GABRD: variants seen among roughly 807,000 people sequenced by gnomAD.
GABRD encodes gamma-aminobutyric acid receptor subunit delta.
In GABRD, 25 loss-of-function variants were observed where a neutral mutation model predicts 47.3. The observed-to-expected ratio is 0.53, with a 90% CI of 0.39 to 0.74. The LOEUF is 0.74. Ranked by LOEUF, GABRD falls within the 30% of genes least tolerant of loss-of-function variation. GABRD has a pLI of 0.00. For missense variants in GABRD, 497 were observed against 643.4 expected, an observed-to-expected ratio of 0.77 and a Z score of 2.46; for synonymous variants, 314 against 278.8, an observed-to-expected ratio of 1.13 and a Z score of -1.26.
intron 1 of GABRD, among the ~76,000 whole-genome samples, chr1:2,021,499 A>G (rs1471028533): frequency 2.0e-5 from 3 of 152,130 alleles, no homozygotes; most frequent in South Asian, 2.1e-4. Flanking sequence ...AGTGGGACCC[A>G]TTCTGGCCAT....
At chr1:2,021,292 G>T (rs553640291) in intron 1 of GABRD, among the ~76,000 whole-genome samples, 1 of 152,194 alleles carries the variant, frequency 6.6e-6, no homozygotes, top group South Asian at 2.1e-4. Flanking sequence ...TGCTCTTGGC[G>T]TCTAGGGGCA....
Position 2,029,205 on chromosome 1 carries a change from C to T in GABRD, c.786C>T (p.Val262=), listed in dbSNP as rs1217829506. 4.5e-6 allele frequency: 7 copies of T among 1,570,506 alleles called. No individual in the cohort carries two copies. The highest frequency in any genetic ancestry group is 1.2e-5 in the South Asian group (1 of 85,708). ...CCTACATGCCCTCCGTCCTGCTGGT[C>T]GCCATGTCCTGGGTCTCCTTCTGGA... ...IQSYMPSVLL[V]AMSWVSFWIS... is the part of the protein sequence containing the mutation. Residue 262 remains valine, a synonymous_variant, in exon 7 of 9, where the codon GTC becomes GTT. Coordinates refer to ENST00000378585, the MANE Select transcript of GABRD (RefSeq NM_000815.5).
chr1:2,027,083 G>T (rs752793131), intron 4 of GABRD: 1 of 221,398 alleles, frequency 4.5e-6, no homozygotes, highest in Non-Finnish European at 9.0e-6. Flanking sequence ...CCCACCTCAA[G>T]CCCCGGGGGG....
chr1:2,028,541 T>C lies in GABRD; in HGVS notation c.691+249T>C, dbSNP rs113621775. On this transcript the variant is annotated intron_variant, in intron 6 of 8. Transcript: ENST00000378585. The surrounding 1 kb of genome is among the most constrained non-coding windows in gnomAD (Gnocchi z 6.4). ...TTCCAGGCCTGCCATTGTGTGGGCG[T>C]GGGTCAGGCCTTCCCATCTCACTCC... Among the ~76,000 whole-genome samples, 2 of 152,220 alleles carry C rather than the reference T, an allele frequency of 1.3e-5. No homozygotes were observed. Among genetic ancestry groups the C allele is most frequent in the African/African-American group, 4.8e-5 (2 of 41,530 alleles).
chr1:2,027,807 G>A lies in GABRD; in HGVS notation c.553+148G>A, dbSNP rs1658970152. 3.9e-6 allele frequency: 3 copies of A among 761,512 alleles called. No individual in the cohort carries two copies. In the South Asian group the frequency reaches 4.9e-5, roughly 12 times the overall value. 47.2% of individuals were successfully genotyped at this position (761,512 alleles called of 1,614,324 possible). ...TGCATGCAAGAAGCCTGGGCAGGAG[G>A]AGAAGGGGCCAGAAAGCCTGGAGCA... On this transcript the variant is annotated intron_variant, in intron 5 of 8. Transcript: ENST00000378585.
rs1409475972 is a variant in GABRD at position 2,028,748 on chromosome 1, T to C, written c.692-363T>C. Among the ~76,000 whole-genome samples the C allele has an allele frequency of 6.6e-6, 1 of 152,148 alleles. No homozygotes were observed. The highest frequency in any genetic ancestry group is 2.4e-5 in the African/African-American group (1 of 41,434). On this transcript the variant is annotated intron_variant, in intron 6 of 8. Transcript: ENST00000378585. The surrounding 1 kb of genome is among the most constrained non-coding windows in gnomAD (Gnocchi z 6.4). ...GGTCATCCAGAGCCAGTGAGCCCAG[T>C]GCTGGCTCCTTCCAGAGCCTGGCTG... is the stretch of plus-strand genomic sequence containing the variant.
chr1:2,030,298 C>T lies in GABRD; in HGVS notation c.*16C>T. ...CGCCATGTGAGCACAGGACTCAGGC[C>T]ACCCTCGCTTGTCCTGGCGCCCGGC... On this transcript the variant is annotated 3_prime_UTR_variant, in exon 9 of 9. Coordinates refer to ENST00000378585, the MANE Select transcript of GABRD (RefSeq NM_000815.5). 2 of 1,492,290 alleles carry T rather than the reference C, an allele frequency of 1.3e-6. No individual in the cohort carries two copies. Among genetic ancestry groups the T allele is most frequent in the Non-Finnish European group, 1.8e-6 (2 of 1,120,404 alleles). 92.4% of individuals were successfully genotyped at this position (1,492,290 alleles called of 1,614,324 possible). A position where few individuals can be genotyped will look rare whatever the true frequency, so the allele number is the denominator to read the frequency against.
At chr1:2,026,516 G>C (rs1311780985) in intron 4 of GABRD, 1 of 152,228 alleles carries the variant, frequency 6.6e-6, no homozygotes, top group East Asian at 1.9e-4. Flanking sequence ...CTTAAAGATG[G>C]AATTAGTTCA....
chr1:2,027,786 T>A lies in GABRD; in HGVS notation c.553+127T>A, dbSNP rs1020808841. ...GGAAAGCACCAAACCAGCTTCTGCA[T>A]GCAAGAAGCCTGGGCAGGAGGAGAA... is the stretch of plus-strand genomic sequence containing the variant. On this transcript the variant is annotated intron_variant, in intron 5 of 8. Coordinates refer to ENST00000378585, the MANE Select transcript of GABRD (RefSeq NM_000815.5). 1.1e-5 allele frequency: 9 copies of A among 855,864 alleles called. No individual in the cohort carries two copies. In the East Asian group the frequency reaches 1.1e-4, roughly 10 times the overall value. 53.0% of individuals were successfully genotyped at this position (855,864 alleles called of 1,614,324 possible).
In GABRD at chr1:2,025,562, C is replaced by T. The variant is rs1234480091; in HGVS notation, c.294C>T (p.Ser98=). The change falls in exon 4 of 9, where the codon AGC becomes AGT. Residue 98 remains serine, a synonymous_variant. Coordinates refer to ENST00000378585, the MANE Select transcript of GABRD (RefSeq NM_000815.5). The stretch of plus-strand genomic sequence containing the variant: ...TCCTGCACCAGAGCTGGCGGGACAG[C>T]AGGCTCTCCTACAACCACACCAACG... The part of the protein sequence containing the change: ...TVFLHQSWRD[S]RLSYNHTNET... 1.2e-6 allele frequency: 2 copies of T among 1,613,078 alleles called. No individual in the cohort carries two copies. Among genetic ancestry groups the T allele is most frequent in the Non-Finnish European group, 8.5e-7 (1 of 1,179,998 alleles).
rs1260063055 is a variant in GABRD, at chr1:2,029,126, G to A, written c.707G>A (p.Arg236Gln). The A allele has an allele frequency of 9.7e-6, 15 of 1,542,804 alleles. No individual in the cohort carries two copies. Among genetic ancestry groups the A allele is most frequent in the Non-Finnish European group, 1.2e-5 (14 of 1,146,998 alleles). ...MNFKSAGQFP[R>Q]LSLHFHLRRN... ...GTCCTGGCAGCTGGCCAGTTCCCACGGCTCAGCCTGCACTTCCACCTGCGG... is the reference window on the plus strand; with the variant it reads ...GTCCTGGCAGCTGGCCAGTTCCCACAGCTCAGCCTGCACTTCCACCTGCGG... Residue 236 changes from arginine (R) to glutamine (Q), a missense_variant, in exon 7 of 9, where the codon CGG (arginine) becomes CAG (glutamine). By Grantham distance (43) the Arg-to-Gln change is conservative (BLOSUM62 1). Around this residue, in one of 3 missense-constraint regions of GABRD, gnomAD observed 285 missense variants for 436.6 expected, o/e 0.65. Coordinates refer to ENST00000378585, the MANE Select transcript of GABRD (RefSeq NM_000815.5).
rs1659015234 is a variant in GABRD at position 2,029,223 on chromosome 1, C to T, written c.804C>T (p.Ser268=). The T allele has an allele frequency of 6.4e-7, 1 of 1,574,416 alleles. No individual in the cohort carries two copies. The stretch of plus-strand genomic sequence containing the variant: ...TGCTGGTCGCCATGTCCTGGGTCTC[C>T]TTCTGGATCAGCCAGGCGGCGGTGC... ...SVLLVAMSWV[S]FWISQAAVPA... Residue 268 remains serine (S), a synonymous_variant, in exon 7 of 9, where the codon TCC becomes TCT. Coordinates refer to ENST00000378585, the MANE Select transcript of GABRD (RefSeq NM_000815.5).
In GABRD at chr1:2,030,373, C is replaced by T. The variant is rs1659057110; in HGVS notation, c.*91C>T. On this transcript the variant is annotated 3_prime_UTR_variant, in exon 9 of 9. Transcript: ENST00000378585. Reference sequence around the variant, plus strand: ...GAGAAAGAGCCCTCGGGCTGCCTTCCCCTCTGCGTGTTTCGAAGTGGGATG... The same window carrying T: ...GAGAAAGAGCCCTCGGGCTGCCTTCTCCTCTGCGTGTTTCGAAGTGGGATG... 1 of 1,191,992 alleles carries T rather than the reference C, an allele frequency of 8.4e-7. No individual in the cohort carries two copies. Among genetic ancestry groups the T allele is most frequent in the Non-Finnish European group, 1.1e-6 (1 of 880,148 alleles). 73.8% of individuals were successfully genotyped at this position (1,191,992 alleles called of 1,614,324 possible). A position where few individuals can be genotyped will look rare whatever the true frequency, so the allele number is the denominator to read the frequency against.
intron 1 of GABRD, chr1:2,024,391 G>C (rs1658863295): frequency 6.6e-6 from 1 of 152,404 alleles, no homozygotes; most frequent in East Asian, 1.9e-4. Flanking sequence ...GCCCACCCTG[G>C]GCCTTCCTGG....
chr1:2,020,000 C>T (rs982251617), intron 1 of GABRD, among the ~76,000 whole-genome samples: 1 of 152,230 alleles, frequency 6.6e-6, no homozygotes, highest in Non-Finnish European at 1.5e-5. Context: ...AGGGTGGGCC[C>T]GGCCTCCGGG....
At chr1:2,021,447 C>T (rs904056081) in intron 1 of GABRD, among the ~76,000 whole-genome samples, 2 of 152,222 alleles carry the variant, frequency 1.3e-5, no homozygotes, top group African/African-American at 2.4e-5. Flanking sequence ...CCCTCCCTTC[C>T]CTCAGTCTCG....
intron 2 of GABRD, 34 bp from the exon 3 acceptor site, chr1:2,025,300 C>G (rs1658890008): frequency 6.2e-7 from 1 of 1,611,976 alleles, no homozygotes; most frequent in African/African-American, 1.3e-5. Context: ...CTGGGCCGGC[C>G]TCAGTCCTTC....
chr1:2,021,968 T>C (rs1658791740), intron 1 of GABRD, among the ~76,000 whole-genome samples: 1 of 152,132 alleles, frequency 6.6e-6, no homozygotes, highest in African/African-American at 2.4e-5. Flanking sequence ...AGGTGACCCA[T>C]GGAGAGCCAC....
intron 4 of GABRD, chr1:2,027,235 C>A (rs751673571): frequency 5.1e-6 from 2 of 394,226 alleles, no homozygotes; most frequent in Non-Finnish European, 9.6e-6. Flanking sequence ...AAATCAAGTG[C>A]GTGGCAACTC....
Sources: allele counts gnomAD v4.1 joint callset (sites outside exome capture counted in the v4.1 genomes callset), GRCh38; gene constraint gnomAD v4.1.1; regional missense constraint gnomAD v4.1.1; non-coding constraint Gnocchi (gnomAD v3.1); transcripts MANE v1.5; gene names NCBI Gene and HGNC (gene_info 2026-07-23, HGNC 2026-07-21).